The following ANK1 variants were observed in gnomAD, a reference collection of about 807,000 sequenced individuals.
The protein encoded by ANK1 is ankyrin 1, also known as ankyrin-1.
Under a neutral mutation model 210.4 loss-of-function variants are expected in ANK1, and 51 were observed. The ratio of observed to expected loss-of-function variants is 0.24; its 90% CI spans 0.19 to 0.31. ANK1 has a LOEUF of 0.31. Among genes scored for constraint, ANK1 ranks in the 10% least tolerant of loss-of-function variants. The pLI is 1.00. For missense variants in ANK1, 2,051 were observed against 2,504.4 expected (o/e 0.82, Z 3.86); for synonymous variants, 967 against 1,025.9 (o/e 0.94, Z 1.10).
At chr8:41,715,884 G>A (rs748922205) in intron 13 of ANK1, 35 bp from the exon 14 acceptor site, 7 of 1,612,762 alleles carry the variant, frequency 4.3e-6, no homozygotes, top group South Asian at 1.1e-5. Context: ...AAGAAGAAAC[G>A]CTAATGTTAC....
rs761331660 is a variant in ANK1, at chr8:41,668,427, C to T, written c.5234G>A (p.Gly1745Asp). 1 of 1,614,252 alleles carries T rather than the reference C, an allele frequency of 6.2e-7. No individual in the cohort carries two copies. Among genetic ancestry groups the T allele is most frequent in the Admixed American group, 1.7e-5 (1 of 60,034 alleles). Residue 1745 changes from glycine to aspartate, a missense_variant, in exon 39 of 43, where the codon GGT becomes GAT. Around this residue, in one of 6 missense-constraint regions of ANK1, gnomAD observed 496 missense variants for 533.4 expected, o/e 0.93. Coordinates refer to ENST00000289734, the MANE Select transcript of ANK1 (RefSeq NM_000037.4). The part of the protein sequence containing the change: ...TSTMTEGLEP[G>D]GSQEYEKVLV... ...GACCTTCTCGTACTCCTGAGATCCA[C>T]CGGGCTCTAGCCCTTCAGTCATGGT...
chr8:41,822,816 C>T (rs760037321), intron 1 of ANK1, among the ~76,000 whole-genome samples: 10 of 152,242 alleles, frequency 6.6e-5, no homozygotes, highest in Admixed American at 2.0e-4. Flanking sequence ...CAAGAGCCAG[C>T]AGTAAGGCTG....
At chr8:41,716,177 G>T (rs774041842) in intron 13 of ANK1, among the ~76,000 whole-genome samples, 24 of 152,144 alleles carry the variant, frequency 1.6e-4, no homozygotes, top group Non-Finnish European at 1.0e-4. Flanking sequence ...TAATGTACAT[G>T]GTTTCTGCGT....
At chr8:41,728,275 C>T (rs1225746523) in intron 3 of ANK1, among the ~76,000 whole-genome samples, 2 of 152,214 alleles carry the variant, frequency 1.3e-5, no homozygotes, top group South Asian at 2.1e-4. Flanking sequence ...CGTAGCAACT[C>T]AGCTGGAACT....
intron 1 of ANK1, chr8:41,788,770 G>A (rs1351347036): frequency 6.6e-6 from 1 of 152,098 alleles, no homozygotes; most frequent in Non-Finnish European, 1.5e-5. Flanking sequence ...TGCCAGATGG[G>A]GGCTTTCTGA....
At chr8:41,682,877 TC>T (rs779107808) in intron 37 of ANK1, among the ~76,000 whole-genome samples, 5 of 152,170 alleles carry the variant, frequency 3.3e-5, no homozygotes, top group Non-Finnish European at 7.4e-5. Flanking sequence ...CACTAGAATT[TC>T]CCCAGGTTTG....
At position 41,690,553 on chromosome 8, in the gene ANK1, A is replaced by C; in HGVS notation, c.3905T>G (p.Val1302Gly). The C allele has an allele frequency of 6.2e-7, 1 of 1,613,952 alleles. No homozygotes were observed. The highest frequency in any genetic ancestry group is 8.5e-7 in the Non-Finnish European group (1 of 1,179,908). Residue 1302 changes from valine (V) to glycine (G), a missense_variant, in exon 32 of 43, where the codon GTG becomes GGG. Physicochemically the swap from Val to Gly is moderately radical, Grantham distance 109. Transcript: ENST00000289734. ...CTGCTGGGCAGCTTTCTTCACAGGC[A>C]CCAGGTTCCCAGAGAGTTCTGCAAA... ...SLFAELSGNL[V>G]PVKKAAQQRS... is the part of the protein sequence containing the mutation.
chr8:41,682,317 C>T (rs182703872), intron 37 of ANK1, among the ~76,000 whole-genome samples: 25 of 152,344 alleles, frequency 1.6e-4, no homozygotes, highest in Admixed American at 1.0e-3. Context: ...GAGTGCCACC[C>T]GCTTCCCTTG....
At chr8:41,702,856 G>C (rs1355214794) in intron 20 of ANK1, among the ~76,000 whole-genome samples, 2 of 152,132 alleles carry the variant, frequency 1.3e-5, no homozygotes, top group Non-Finnish European at 2.9e-5. Flanking sequence ...AGTTCACTCT[G>C]TCACCCAAGC....
intron 1 of ANK1, among the ~76,000 whole-genome samples, chr8:41,841,249 T>C (rs1362324920): frequency 1.3e-5 from 2 of 152,152 alleles, no homozygotes; most frequent in African/African-American, 4.8e-5. Context: ...ACTGGGAACT[T>C]GGAGGACATT....
chr8:41,699,093 C>G (rs1189232734), intron 23 of ANK1, among the ~76,000 whole-genome samples: 5 of 152,112 alleles, frequency 3.3e-5, no homozygotes, highest in Non-Finnish European at 7.4e-5. Context: ...GCCACCGCAC[C>G]CGGCCATCTT....
At chr8:41,848,823 A>T (rs1009314403) in intron 1 of ANK1, among the ~76,000 whole-genome samples, 1 of 152,186 alleles carries the variant, frequency 6.6e-6, no homozygotes, top group Non-Finnish European at 1.5e-5. Flanking sequence ...GGATACATCA[A>T]GTCCAAGCAG....
chr8:41,729,608 T>G (rs1831591531), intron 3 of ANK1, among the ~76,000 whole-genome samples: 1 of 152,232 alleles, frequency 6.6e-6, no homozygotes, highest in Non-Finnish European at 1.5e-5. Context: ...TCCAGGCTGG[T>G]CTCCTGTCTT....
At chr8:41,768,981 A>T (rs982511418) in intron 1 of ANK1, among the ~76,000 whole-genome samples, 7 of 152,288 alleles carry the variant, frequency 4.6e-5, no homozygotes, top group African/African-American at 1.2e-4. Flanking sequence ...CTAAAAAAAT[A>T]AAAATTAAAA....
In ANK1 at chr8:41,805,447, A is replaced by G. The variant is rs1278504668; in HGVS notation, c.127-47310T>C. Among the ~76,000 whole-genome samples, 5 of 151,982 alleles carry G rather than the reference A, an allele frequency of 3.3e-5. No homozygotes were observed. In the East Asian group the frequency reaches 7.7e-4, roughly 23 times the overall value. The stretch of plus-strand genomic sequence containing the variant: ...GTTTTTGTAGAGACAGGATCTCACT[A>G]TGTTGCCCAGGCTGGTCTTGAACTC... On this transcript the variant is annotated intron_variant, in intron 1 of 42. Transcript: ENST00000265709.
rs1389287294 is a variant in ANK1 at position 41,690,607 on chromosome 8, A to G, written c.3859-8T>C. The G allele has an allele frequency of 6.2e-7, 1 of 1,611,440 alleles. No homozygotes were observed. Among genetic ancestry groups the G allele is most frequent in the South Asian group, 1.1e-5 (1 of 91,076 alleles). ...GGACATTCCTTCCAACACCTGCAGG[A>G]GAGGAAAAGCAGATACAGCTTGTCA... On this transcript the variant is annotated splice_region_variant and splice_polypyrimidine_tract_variant and intron_variant, in intron 31 of 42. Transcript: ENST00000289734.
At chr8:41,674,776 G>A (rs1185696793) in intron 37 of ANK1, among the ~76,000 whole-genome samples, 1 of 152,244 alleles carries the variant, frequency 6.6e-6, no homozygotes, top group Non-Finnish European at 1.5e-5. Flanking sequence ...AAGGTGGGGT[G>A]GTTGGGAGAA....
At chr8:41,786,150 C>T (rs1223585524) in intron 1 of ANK1, among the ~76,000 whole-genome samples, 1 of 152,218 alleles carries the variant, frequency 6.6e-6, no homozygotes, top group African/African-American at 2.4e-5. Flanking sequence ...TCTCCCCTTC[C>T]AGGCTCTTAA....
intron 1 of ANK1, among the ~76,000 whole-genome samples, chr8:41,817,247 G>A (rs78572716): frequency 1.3e-5 from 2 of 152,146 alleles, no homozygotes; most frequent in Non-Finnish European, 2.9e-5. Context: ...GAGTTTTGGG[G>A]GGCACATTTG....
Sources: gnomAD v4.1 joint callset for allele counts (sites outside exome capture counted in the v4.1 genomes callset) on GRCh38, gnomAD v4.1.1 for gene constraint, gnomAD v4.1.1 regional missense constraint, MANE v1.5 for transcripts, NCBI Gene and HGNC (gene_info 2026-07-23, HGNC 2026-07-21) for gene names.